The following CTNNA2 variants were observed in gnomAD, a reference collection of about 807,000 sequenced individuals.
CTNNA2 encodes catenin alpha 2.
A neutral mutation model predicts 101.0 loss-of-function variants in CTNNA2; 42 were observed. The observed-to-expected ratio is 0.42, with a 90% confidence interval of 0.32 to 0.54. The LOEUF is 0.54. Among genes scored for constraint, CTNNA2 ranks in the 20% least tolerant of loss-of-function variants. CTNNA2 has a pLI of 0.14. For synonymous variants in CTNNA2, 450 were observed against 456.4 expected, an observed-to-expected ratio of 0.99 and a Z score of 0.18; for missense variants, 871 against 1,223.1, an observed-to-expected ratio of 0.71 and a Z score of 4.29.
At chr2:79,432,336 C>A (rs540879252) in intron 4 of CTNNA2, among the ~76,000 whole-genome samples, 51 of 152,280 alleles carry the variant, frequency 3.3e-4, no homozygotes, top group African/African-American at 1.1e-3. Flanking sequence ...AGGCTAGATA[C>A]CCAGAACCAG....
At chr2:80,568,596 T>A (rs866585747) in intron 12 of CTNNA2, among the ~76,000 whole-genome samples, 119 of 142,604 alleles carry the variant, frequency 8.3e-4, no homozygotes, top group Middle Eastern at 3.8e-3. Flanking sequence ...TGTGTGTGTG[T>A]GAGATTAGGA....
chr2:79,187,746 C>G (rs554850377), intron 1 of CTNNA2, among the ~76,000 whole-genome samples: 1 of 152,228 alleles, frequency 6.6e-6, no homozygotes, highest in Non-Finnish European at 1.5e-5. Context: ...TGCTAAATAT[C>G]TTGGATTAAA....
intron 18 of CTNNA2, among the ~76,000 whole-genome samples, chr2:80,642,454 A>T (rs552957126): frequency 6.6e-6 from 1 of 152,286 alleles, no homozygotes; most frequent in South Asian, 2.1e-4. Flanking sequence ...TATACCCAAC[A>T]CTTAAGCACA....
chr2:80,248,013 C>T (rs1671461132), intron 7 of CTNNA2, among the ~76,000 whole-genome samples: 1 of 150,420 alleles, frequency 6.6e-6, no homozygotes, highest in Non-Finnish European at 1.5e-5. Context: ...TTTGTCTTTT[C>T]TTTATTTTTT....
intron 7 of CTNNA2, among the ~76,000 whole-genome samples, chr2:79,982,310 T>G: frequency 7.2e-6 from 1 of 139,828 alleles, no homozygotes; most frequent in Non-Finnish European, 1.5e-5. Flanking sequence ...ATATAAAACA[T>G]ATATAACATA....
At chr2:79,637,591 G>T (rs1473424908) in intron 1 of CTNNA2, among the ~76,000 whole-genome samples, 2 of 152,156 alleles carry the variant, frequency 1.3e-5, no homozygotes, top group Non-Finnish European at 2.9e-5. Context: ...AGAGATGCAT[G>T]CTAGAAAGGT....
chr2:80,461,294 C>T (rs914937823), intron 9 of CTNNA2, among the ~76,000 whole-genome samples: 1 of 152,150 alleles, frequency 6.6e-6, no homozygotes, highest in African/African-American at 2.4e-5. Flanking sequence ...ATCACCCTGG[C>T]CCGTTGTTTA....
At chr2:80,073,464 T>A (rs757582612) in intron 7 of CTNNA2, among the ~76,000 whole-genome samples, 3 of 152,122 alleles carry the variant, frequency 2.0e-5, no homozygotes, top group Non-Finnish European at 4.4e-5. Flanking sequence ...CAGCTTGAGA[T>A]CTTTACACCC....
intron 3 of CTNNA2, among the ~76,000 whole-genome samples, chr2:79,373,192 G>A (rs376907967): frequency 5.3e-5 from 8 of 152,098 alleles, no homozygotes; most frequent in East Asian, 1.9e-4. Flanking sequence ...AAATGTAGAC[G>A]TGTGACTCTA....
intron 17 of CTNNA2, among the ~76,000 whole-genome samples, chr2:80,608,856 T>C (rs1290983214): frequency 6.6e-6 from 1 of 151,886 alleles, no homozygotes; most frequent in African/African-American, 2.4e-5. Flanking sequence ...AACATAATTG[T>C]CGAACACTAA....
intron 3 of CTNNA2, among the ~76,000 whole-genome samples, chr2:79,851,645 A>C (rs1011413684): frequency 2.0e-5 from 3 of 152,054 alleles, no homozygotes; most frequent in African/African-American, 7.2e-5. Context: ...GTCGGTTATC[A>C]TGAAAAGGGA....
intron 2 of CTNNA2, among the ~76,000 whole-genome samples, chr2:79,221,039 C>T (rs181020603): frequency 6.6e-6 from 1 of 152,276 alleles, no homozygotes; most frequent in African/African-American, 2.4e-5. Flanking sequence ...AGTGCAAAAA[C>T]ATTATCTTAT....
chr2:80,434,969 A>C lies in CTNNA2; in HGVS notation c.1290+15368A>C, dbSNP rs186949401. Among the ~76,000 whole-genome samples the C allele has an allele frequency of 1.2e-3, 185 of 152,256 alleles. 1 individual carries two copies. The highest frequency in any genetic ancestry group is 4.2e-3 in the African/African-American group (176 of 41,560). On this transcript the variant is annotated intron_variant, in intron 9 of 18. Coordinates refer to ENST00000402739, the MANE Select transcript of CTNNA2 (RefSeq NM_001282597.3). ...ATCAAAGTACTTAAGGAGTAAAATA[A>C]GATTATTGTGTATCAGGGTTTCTCA...
chr2:79,241,118 A>C (rs1258317886), intron 2 of CTNNA2, among the ~76,000 whole-genome samples: 1 of 152,238 alleles, frequency 6.6e-6, no homozygotes, highest in Non-Finnish European at 1.5e-5. Context: ...AACTAATCTC[A>C]TAGAAAACTC....
chr2:79,733,606 C>A (rs904303256), intron 2 of CTNNA2, among the ~76,000 whole-genome samples: 2 of 151,570 alleles, frequency 1.3e-5, no homozygotes, highest in Admixed American at 1.3e-4. Context: ...TGGGAACTTA[C>A]CCTTCCCTCA....
intron 2 of CTNNA2, among the ~76,000 whole-genome samples, chr2:79,681,193 T>C (rs1399745806): frequency 2.0e-5 from 3 of 152,184 alleles, no homozygotes; most frequent in Admixed American, 6.5e-5. Context: ...TTTCCTATCA[T>C]CCATCACCTT....
At chr2:80,331,579 G>T (rs1247789796) in intron 7 of CTNNA2, among the ~76,000 whole-genome samples, 1 of 152,106 alleles carries the variant, frequency 6.6e-6, no homozygotes, top group African/African-American at 2.4e-5. Flanking sequence ...AGCATCTCTT[G>T]CATGATGCCC....
chr2:80,593,402 C>T (rs1219530589), intron 15 of CTNNA2, among the ~76,000 whole-genome samples: 2 of 152,018 alleles, frequency 1.3e-5, no homozygotes, highest in Non-Finnish European at 2.9e-5. Flanking sequence ...TCAGTCCCCA[C>T]CTCACATTAT....
intron 1 of CTNNA2, chr2:79,547,152 T>G (rs1181523274): frequency 2.6e-5 from 4 of 152,146 alleles, no homozygotes; most frequent in African/African-American, 9.7e-5. Flanking sequence ...GTACAGGGCT[T>G]CTCACCAGAA....
Sources: allele counts gnomAD v4.1 joint callset (sites outside exome capture counted in the v4.1 genomes callset), GRCh38; gene constraint gnomAD v4.1.1; transcripts MANE v1.5; gene names NCBI Gene and HGNC (gene_info 2026-07-23, HGNC 2026-07-21).